Variants in CHD2 observed in about 807,000 individuals in gnomAD.
The protein encoded by CHD2 is chromodomain helicase DNA binding protein 2.
In CHD2, 28 loss-of-function variants were observed where a neutral mutation model predicts 243.9. That is an observed-to-expected ratio of 0.11 (90% CI 0.09 to 0.16). The LOEUF is 0.16. Ranked by LOEUF, CHD2 falls within the 10% of genes least tolerant of loss-of-function variation. The probability of loss-of-function intolerance (pLI) is 1.00; values close to 1 mark genes in which losing one functional copy is unlikely to be tolerated. For synonymous variants in CHD2, 775 were observed against 779.0 expected (o/e 0.99, Z 0.09); for missense variants, 1,386 against 2,209.8 (o/e 0.63, Z 7.47).
intron 3 of CHD2, among the ~76,000 whole-genome samples, chr15:92,925,403 TAAG>T (rs1413317635): frequency 6.6e-6 from 1 of 152,108 alleles, no homozygotes; most frequent in African/African-American, 2.4e-5. Flanking sequence ...AAAGGACAAA[TAAG>T]AACACAAGAT....
intron 24 of CHD2, among the ~76,000 whole-genome samples, chr15:92,983,344 C>T (rs2054003232): frequency 6.6e-6 from 1 of 152,194 alleles, no homozygotes; most frequent in African/African-American, 2.4e-5. Context: ...CACGATGTCC[C>T]TTTTGGAAAA....
intron 36 of CHD2, 120 bp downstream of exon 36, chr15:93,012,564 A>T: frequency 1.6e-6 from 1 of 620,564 alleles, no homozygotes; most frequent in South Asian, 2.2e-5. Context: ...GCTGGTGCTA[A>T]TAGTCAAACA....
chr15:92,940,986 TATATATAA>T (rs1338509246), intron 7 of CHD2, among the ~76,000 whole-genome samples: 9 of 119,698 alleles, frequency 7.5e-5, no homozygotes, highest in African/African-American at 2.9e-4. Context: ...AATATAAATA[TATATATAA>T]ATATATATAT....
At position 92,912,314 on chromosome 15, in the gene CHD2, TG is replaced by T. The variant is rs201696133; in HGVS notation, c.62+11016del. On this transcript the variant is annotated intron_variant, in intron 2 of 38. Coordinates refer to ENST00000394196, the MANE Select transcript of CHD2 (RefSeq NM_001271.4). ...CTGTGGCATAGCTAGGCTTGAGAACTGTTGTGTTTATCTGCCGTCTCGGGGA... is the reference window on the plus strand; with the variant it reads ...CTGTGGCATAGCTAGGCTTGAGAACTTTGTGTTTATCTGCCGTCTCGGGGA... 5.9e-3 allele frequency among the ~76,000 whole-genome samples: 906 copies of T among 152,276 alleles called. 4 individuals carry two copies. The highest frequency in any genetic ancestry group is 8.9e-3 in the Non-Finnish European group (602 of 68,012).
intron 12 of CHD2, chr15:92,947,514 C>T (rs2053489064): frequency 6.6e-6 from 1 of 152,240 alleles, no homozygotes; most frequent in African/African-American, 2.4e-5. Flanking sequence ...TTGACTTTAT[C>T]TCCTAGGTAT....
chr15:93,024,251 T>C, intron 38 of CHD2, 121 bp from the exon 39 acceptor site: 1 of 852,954 alleles, frequency 1.2e-6, no homozygotes, highest in Non-Finnish European at 1.8e-6. Flanking sequence ...TTTTGATTCC[T>C]AATAATGTGA....
At chr15:92,976,045 AC>A (rs2053903394) in intron 20 of CHD2, among the ~76,000 whole-genome samples, 1 of 152,226 alleles carries the variant, frequency 6.6e-6, no homozygotes, top group Non-Finnish European at 1.5e-5. Flanking sequence ...AACATAAAGC[AC>A]TGATCACATT....
Position 92,949,019 on chromosome 15 carries a change from T to C in CHD2, c.1445T>C (p.Leu482Pro). The change falls in exon 13 of 39, where the codon CTG (leucine) becomes CCG (proline). Residue 482 changes from leucine to proline, a missense_variant. Leu to Pro is a moderately conservative substitution (Grantham distance 98, BLOSUM62 -3). This residue lies in a region of CHD2 where 14 missense variants were observed against 26.8 expected (regional missense o/e 0.52). Transcript: ENST00000394196. Reference protein sequence around the residue: ...KQPAYLGGENLELRDYQLEGL... With the variant: ...KQPAYLGGENPELRDYQLEGL... ...CCTGCATATTTAGGAGGGGAGAATC[T>C]GGAACTTCGAGATTATCAGCTAGAA... The C allele has an allele frequency of 8.1e-6, 13 of 1,614,152 alleles. No individual in the cohort carries two copies. The highest frequency in any genetic ancestry group is 1.1e-5 in the Non-Finnish European group (13 of 1,180,026).
chr15:93,014,732 A>C lies in CHD2; in HGVS notation c.4729A>C (p.Lys1577Gln). Residue 1577 changes from lysine to glutamine, a missense_variant, in exon 37 of 39, where the codon AAA (lysine) becomes CAA (glutamine). Lys to Gln is a moderately conservative substitution (Grantham distance 53). This residue lies in a region of CHD2 where 347 missense variants were observed against 341.6 expected (regional missense o/e 1.02). Coordinates refer to ENST00000394196, the MANE Select transcript of CHD2 (RefSeq NM_001271.4). ...GAAAGACGACGTGACTGGGGGTAAG[A>C]AACCATTTCGTCCAGAGGCCTCAGG... is the stretch of plus-strand genomic sequence containing the variant. ...KKKDDVTGGK[K>Q]PFRPEASGSS... 1 of 1,614,188 alleles carries C rather than the reference A, an allele frequency of 6.2e-7. No individual in the cohort carries two copies. The highest frequency in any genetic ancestry group is 8.5e-7 in the Non-Finnish European group (1 of 1,180,038).
In CHD2 at chr15:92,996,989, A is replaced by G. The variant is rs745563604; in HGVS notation, c.3628A>G (p.Ile1210Val). ...KGPGKRRGPT[I>V]KISGVQVNVK... The stretch of plus-strand genomic sequence containing the variant: ...ACCAGGGAAAAGGAGAGGTCCAACA[A>G]TCAAGATATCCGGAGTTCAGGTTAA... Residue 1210 changes from isoleucine to valine, a missense_variant, in exon 29 of 39, where the codon ATC becomes GTC. By Grantham distance (29) the Ile-to-Val change is conservative (BLOSUM62 3). Coordinates refer to ENST00000394196, the MANE Select transcript of CHD2 (RefSeq NM_001271.4). 13 of 1,612,098 alleles carry G rather than the reference A, an allele frequency of 8.1e-6. No individual in the cohort carries two copies. The South Asian group carries it at 1.0e-4, about 12-fold the overall frequency.
Position 93,026,039 on chromosome 15 carries a change from C to G in CHD2, c.*1334C>G, listed in dbSNP as rs372747897. 1 of 152,594 alleles carries G rather than the reference C, an allele frequency of 6.6e-6. No individual in the cohort carries two copies. The highest frequency in any genetic ancestry group is 2.1e-4 in the South Asian group (1 of 4,822). The allele number at this position is 152,594 out of a possible 1,614,324, so 9.5% of individuals were successfully genotyped here. A position where few individuals can be genotyped will look rare whatever the true frequency, so the allele number is the denominator to read the frequency against. ...TGAGCTATAGATAGTAAAAATCATA[C>G]GAGAGTTGAACTGAGTCAGGTTTAG... On this transcript the variant is annotated 3_prime_UTR_variant, in exon 39 of 39. Coordinates refer to ENST00000394196, the MANE Select transcript of CHD2 (RefSeq NM_001271.4).
At chr15:93,016,167 T>G (rs988295205) in intron 37 of CHD2, among the ~76,000 whole-genome samples, 1 of 152,252 alleles carries the variant, frequency 6.6e-6, no homozygotes, top group African/African-American at 2.4e-5. Context: ...CGAATAGTAT[T>G]CAGCTTTAAA....
intron 6 of CHD2, among the ~76,000 whole-genome samples, chr15:92,938,432 C>T (rs542243945): frequency 6.6e-6 from 1 of 151,992 alleles, no homozygotes; most frequent in South Asian, 2.1e-4. Flanking sequence ...TACATTGGTC[C>T]CCATTTTGCC....
At chr15:92,906,279 C>T (rs987754128) in intron 2 of CHD2, among the ~76,000 whole-genome samples, 1 of 151,914 alleles carries the variant, frequency 6.6e-6, no homozygotes, top group Non-Finnish European at 1.5e-5. Flanking sequence ...GTATCCTTGC[C>T]GTTTAAAATA....
chr15:93,009,748 G>A (rs1020793997), intron 35 of CHD2, among the ~76,000 whole-genome samples: 37 of 152,176 alleles, frequency 2.4e-4, no homozygotes, highest in South Asian at 1.0e-3. Flanking sequence ...GATTAAAACC[G>A]CAAGAACTAT....
intron 2 of CHD2, among the ~76,000 whole-genome samples, chr15:92,903,818 T>G (rs1342237386): frequency 6.6e-6 from 1 of 152,236 alleles, no homozygotes; most frequent in Non-Finnish European, 1.5e-5. Context: ...TTATTAAATT[T>G]ATCTCCAAAT....
chr15:92,968,094 G>A (rs1029846843), intron 17 of CHD2, among the ~76,000 whole-genome samples: 3 of 151,028 alleles, frequency 2.0e-5, no homozygotes, highest in African/African-American at 4.9e-5. Flanking sequence ...TGATTGGTTG[G>A]TATGTCTCTT....
At chr15:92,956,328 A>T (rs1033701103) in intron 15 of CHD2, 131 bp from the exon 16 acceptor site, 1 of 664,952 alleles carries the variant, frequency 1.5e-6, no homozygotes, top group East Asian at 2.8e-5. Context: ...CCTAATATAT[A>T]TTGTCAGTGA....
rs34017211 is a variant in CHD2 at position 92,957,652 on chromosome 15, C to CT, written c.2000+1014dup. On this transcript the variant is annotated intron_variant, in intron 16 of 38. Coordinates refer to ENST00000394196, the MANE Select transcript of CHD2 (RefSeq NM_001271.4). The stretch of plus-strand genomic sequence containing the variant: ...AGTTGATAGATATATGCTCTACAAT[C>CT]TTTTTTTTTTTAATTCAGGATTAAA... Among the ~76,000 whole-genome samples, 678 of 143,664 alleles carry CT rather than the reference C, an allele frequency of 4.7e-3. 7 individuals are homozygous for CT. Among genetic ancestry groups the CT allele is most frequent in the Non-Finnish European group, 4.8e-3 (311 of 64,726 alleles). 94.2% of individuals were successfully genotyped at this position (143,664 alleles called of 152,430 possible). A position where few individuals can be genotyped will look rare whatever the true frequency, so the allele number is the denominator to read the frequency against.
Sources: gnomAD v4.1 joint callset for allele counts (sites outside exome capture counted in the v4.1 genomes callset) on GRCh38, gnomAD v4.1.1 for gene constraint, gnomAD v4.1.1 regional missense constraint, MANE v1.5 for transcripts, NCBI Gene and HGNC (gene_info 2026-07-23, HGNC 2026-07-21) for gene names.